NRL: variants seen among roughly 807,000 people sequenced by gnomAD.
NRL encodes neural retina leucine zipper, also known as neural retina-specific leucine zipper protein.
A neutral mutation model predicts 12.5 loss-of-function variants in NRL; 16 were observed. That is an observed-to-expected ratio of 1.28 (90% CI 0.87 to 1.95). NRL has a LOEUF of 1.95. Ranked by LOEUF, NRL falls within the 30% of genes most tolerant of loss-of-function variation. The pLI is 0.00. For synonymous variants in NRL, 142 were observed against 150.9 expected (o/e 0.94, Z 0.43); for missense variants, 314 against 325.8 (o/e 0.96, Z 0.28).
chr14:24,099,287 G>A (rs758864771), intron 1 of NRL: 1 of 1,524,566 alleles, frequency 6.6e-7, no homozygotes. Flanking sequence ...GGCAGGGGTG[G>A]GGCCTGGCCA....
At chr14:24,086,888 C>T (rs1014256251) in intron 1 of NRL, among the ~76,000 whole-genome samples, 2 of 152,166 alleles carry the variant, frequency 1.3e-5, no homozygotes, top group Non-Finnish European at 2.9e-5. Flanking sequence ...GGGTTGGGCC[C>T]AGTCTGGGCC....
Position 24,081,639 on chromosome 14 carries a change from T to C in NRL, c.382-71A>G, listed in dbSNP as rs1489050997. Reference sequence around the variant, plus strand: ...CGGCTCTGCCCTGAGGGCCCGACGCTACCTGGCTCCGCCCCGGGACAGCCC... The same window carrying C: ...CGGCTCTGCCCTGAGGGCCCGACGCCACCTGGCTCCGCCCCGGGACAGCCC... On this transcript the variant is annotated intron_variant, in intron 2 of 2. Coordinates refer to ENST00000561028, the MANE Select transcript of NRL (RefSeq NM_001354768.3). The surrounding 1 kb of genome is among the most constrained non-coding windows in gnomAD (Gnocchi z 4.4). The C allele has an allele frequency of 6.5e-7, 1 of 1,539,508 alleles. No homozygotes were observed. Among genetic ancestry groups the C allele is most frequent in the Non-Finnish European group, 8.8e-7 (1 of 1,142,116 alleles).
chr14:24,099,522 G>T, intron 1 of NRL: 1 of 1,543,224 alleles, frequency 6.5e-7, no homozygotes, highest in South Asian at 1.3e-5. Flanking sequence ...GACTTTTGGT[G>T]ACCTCTTTCT....
At chr14:24,095,039 T>C (rs2036802299) in intron 1 of NRL, 2 of 450,532 alleles carry the variant, frequency 4.4e-6, no homozygotes. Context: ...GTTTCTTACA[T>C]AGCTGGCTTC....
At position 24,094,904 on chromosome 14, in the gene NRL, A is replaced by C; in HGVS notation, c.-27-12029T>G. ...CCCTAAAGAAGGTGGAAGGTTAAAT[A>C]TCCATTCCCGGCCTCTCCCGGACTG... On this transcript the variant is annotated intron_variant, in intron 1 of 2. Transcript: ENST00000561028. The surrounding 1 kb of genome is among the most constrained non-coding windows in gnomAD (Gnocchi z 4.1). 1 of 1,210,758 alleles carries C rather than the reference A, an allele frequency of 8.3e-7. No homozygotes were observed. The highest frequency in any genetic ancestry group is 1.1e-6 in the Non-Finnish European group (1 of 917,838). 75.0% of individuals were successfully genotyped at this position (1,210,758 alleles called of 1,614,324 possible).
chr14:24,107,343 C>T (rs2138990067), intron 1 of NRL, among the ~76,000 whole-genome samples: 1 of 152,142 alleles, frequency 6.6e-6, no homozygotes, highest in South Asian at 2.1e-4. Flanking sequence ...TAAAATAAAA[C>T]ACAGATACAG....
chr14:24,103,006 C>A (rs771651008), intron 1 of NRL: 2 of 1,303,750 alleles, frequency 1.5e-6, no homozygotes, highest in Non-Finnish European at 2.2e-6. Flanking sequence ...CCAGAGTTCT[C>A]CCCTGGTGAA....
chr14:24,103,600 G>A, intron 1 of NRL: 3 of 1,611,274 alleles, frequency 1.9e-6, no homozygotes, highest in Non-Finnish European at 2.5e-6. Flanking sequence ...AGCATGGAAG[G>A]GCGCAAGGGG....
chr14:24,110,433 C>A, intron 1 of NRL: 1 of 224,874 alleles, frequency 4.4e-6, no homozygotes, highest in Non-Finnish European at 1.0e-5. Flanking sequence ...AAAATGAAAC[C>A]ACATCGTTTT....
intron 1 of NRL, among the ~76,000 whole-genome samples, chr14:24,097,718 G>A (rs1462412140): frequency 1.3e-5 from 2 of 151,648 alleles, no homozygotes; most frequent in South Asian, 4.2e-4. Flanking sequence ...CTCAGCCTCC[G>A]GAGTAGCTGG....
chr14:24,113,811 C>G (rs966654194), intron 1 of NRL, among the ~76,000 whole-genome samples: 4 of 152,220 alleles, frequency 2.6e-5, no homozygotes, highest in African/African-American at 7.2e-5. Context: ...AAGAAGGCCA[C>G]GAGCCCTCGC....
rs944054659 is a variant in NRL at position 24,094,505 on chromosome 14, G to A, written c.-27-11630C>T. On this transcript the variant is annotated intron_variant, in intron 1 of 2. Coordinates refer to ENST00000561028, the MANE Select transcript of NRL (RefSeq NM_001354768.3). This position sits in a 1 kb window ranked among gnomAD's most constrained non-coding sequence, Gnocchi z 4.1. Reference sequence around the variant, plus strand: ...TCGCCCCCTCGGGGCTGCCAGTGGCGCTCTCCTGCTCTCAGCCTCCGCCAG... The same window carrying A: ...TCGCCCCCTCGGGGCTGCCAGTGGCACTCTCCTGCTCTCAGCCTCCGCCAG... The A allele has an allele frequency of 1.9e-5, 28 of 1,457,374 alleles. No homozygotes were observed. The highest frequency in any genetic ancestry group is 5.8e-5 in the African/African-American group (4 of 69,042). The allele number at this position is 1,457,374 out of a possible 1,614,324, so 90.3% of individuals were successfully genotyped here. A position where few individuals can be genotyped will look rare whatever the true frequency, so the allele number is the denominator to read the frequency against.
chr14:24,097,111 C>T (rs1263817753), intron 1 of NRL: 1 of 1,613,916 alleles, frequency 6.2e-7, no homozygotes, highest in East Asian at 2.2e-5. Context: ...AGGGCCTCAT[C>T]CGAAAGCTCC....
intron 1 of NRL, chr14:24,099,885 C>A (rs988643796): frequency 2.7e-5 from 43 of 1,594,582 alleles, no homozygotes; most frequent in Non-Finnish European, 3.5e-5. Flanking sequence ...CTTTCCTCAT[C>A]AGATCTTGGG....
intron 1 of NRL, chr14:24,099,051 G>T (rs747648609): frequency 6.3e-7 from 1 of 1,598,878 alleles, no homozygotes; most frequent in South Asian, 1.1e-5. Flanking sequence ...GTCCCCAGGG[G>T]AGCCAGTGAG....
chr14:24,103,017 T>C (rs2037226943), intron 1 of NRL: 5 of 1,259,978 alleles, frequency 4.0e-6, no homozygotes, highest in Non-Finnish European at 4.6e-6. Flanking sequence ...CCCTGGTGAA[T>C]GCAAACTTGG....
chr14:24,111,887 G>A (rs1191528480), intron 1 of NRL, among the ~76,000 whole-genome samples: 5 of 121,444 alleles, frequency 4.1e-5, no homozygotes, highest in African/African-American at 1.3e-4. Context: ...AATAGGAGCG[G>A]TGAGAGAGGG....
chr14:24,111,921 C>G (rs1327881478), intron 1 of NRL, among the ~76,000 whole-genome samples: 7 of 110,004 alleles, frequency 6.4e-5, no homozygotes, highest in African/African-American at 2.5e-4. Context: ...TGCCAGTTTT[C>G]AAAGGGAATG....
rs1239517808 is a variant in NRL, at chr14:24,079,298, A to C, written c.*1938T>G. ...AGTAGTGGGTCTGAATTACAGCTCC[A>C]GGGCAGGCAAGGATAGACACAGGTG... is the stretch of plus-strand genomic sequence containing the variant. On this transcript the variant is annotated 3_prime_UTR_variant, in exon 3 of 3. Coordinates refer to ENST00000561028, the MANE Select transcript of NRL (RefSeq NM_001354768.3). Among the ~76,000 whole-genome samples, 1 of 152,248 alleles carries C rather than the reference A, an allele frequency of 6.6e-6. No individual in the cohort carries two copies. Among genetic ancestry groups the C allele is most frequent in the Non-Finnish European group, 1.5e-5 (1 of 68,048 alleles).
Sources: allele counts gnomAD v4.1 joint callset (sites outside exome capture counted in the v4.1 genomes callset), GRCh38; gene constraint gnomAD v4.1.1; non-coding constraint Gnocchi (gnomAD v3.1); transcripts MANE v1.5; gene names NCBI Gene and HGNC (gene_info 2026-07-23, HGNC 2026-07-21).